Variants in DZANK1 observed in about 807,000 individuals in gnomAD.
DZANK1 encodes the protein double zinc ribbon and ankyrin repeat-containing protein 1.
DZANK1 carries 91 observed loss-of-function variants against 94.5 expected under a neutral mutation model. The ratio of observed to expected loss-of-function variants is 0.96; its 90% CI spans 0.81 to 1.15. DZANK1 has a LOEUF of 1.15. Ranked by LOEUF, DZANK1 falls within the 50% of genes most tolerant of loss-of-function variation. The pLI is 0.00. For missense variants in DZANK1, 903 were observed against 916.4 expected, an observed-to-expected ratio of 0.99 and a Z score of 0.19; for synonymous variants, 312 against 325.3, an observed-to-expected ratio of 0.96 and a Z score of 0.44.
At chr20:18,438,235 AAAAAGAAATAACAC>A (rs1365057855) in intron 8 of DZANK1, among the ~76,000 whole-genome samples, 1,762 of 141,538 alleles carry the variant, frequency 0.012, 202 homozygotes, top group African/African-American at 0.013. Context: ...AAAAAAAAAA[AAAAAGAAATAACAC>A]AAAAGAAAGC....
At chr20:18,389,587 G>T in intron 19 of DZANK1, 114 bp downstream of exon 19, 1 of 1,435,180 alleles carries the variant, frequency 7.0e-7, no homozygotes, top group Non-Finnish European at 9.3e-7. Flanking sequence ...GGTTAAAATG[G>T]TTAAAGTGGC....
intron 1 of DZANK1, among the ~76,000 whole-genome samples, chr20:18,466,240 TC>T: frequency 6.6e-6 from 1 of 152,368 alleles, no homozygotes; most frequent in Non-Finnish European, 1.5e-5. Flanking sequence ...ATTTTTATAG[TC>T]TACTTCTTGC....
intron 11 of DZANK1, 97 bp downstream of exon 11, chr20:18,415,230 G>C: frequency 3.2e-6 from 4 of 1,248,860 alleles, no homozygotes. Flanking sequence ...GAAATCACAA[G>C]AAGTGATTTC....
intron 14 of DZANK1, 152 bp downstream of exon 14, chr20:18,398,371 G>T (rs1214765241): frequency 1.8e-5 from 12 of 663,832 alleles, no homozygotes; most frequent in Non-Finnish European, 3.2e-5. Context: ...TATTAGAGCA[G>T]AGCTCACAAG....
chr20:18,384,630 C>T (rs951678534), intron 20 of DZANK1, 66 bp from the exon 21 acceptor site: 133 of 1,479,652 alleles, frequency 9.0e-5, no homozygotes, highest in Non-Finnish European at 1.1e-4. Context: ...AAGAGCTTGA[C>T]TCTACCCTGC....
intron 4 of DZANK1, chr20:18,454,299 A>G (rs1329173178): frequency 9.2e-6 from 3 of 327,116 alleles, no homozygotes; most frequent in South Asian, 2.5e-5. Flanking sequence ...ATGTTGGCTT[A>G]GCCCCCGAAG....
chr20:18,448,910 T>C (rs1033730019), intron 7 of DZANK1, 74 bp downstream of exon 7: 1 of 1,271,516 alleles, frequency 7.9e-7, no homozygotes, highest in Non-Finnish European at 1.1e-6. Context: ...AAAAATGTCG[T>C]ATCTTTAAAT....
At chr20:18,395,459 G>A (rs1400947417) in intron 15 of DZANK1, among the ~76,000 whole-genome samples, 1 of 152,204 alleles carries the variant, frequency 6.6e-6, no homozygotes, top group African/African-American at 2.4e-5. Context: ...TGGAGGTGCT[G>A]CTGGTGGCCT....
chr20:18,459,412 G>A (rs115952444), intron 3 of DZANK1, among the ~76,000 whole-genome samples: 58 of 152,230 alleles, frequency 3.8e-4, no homozygotes, highest in African/African-American at 1.2e-3. Context: ...GTCAGTGGGG[G>A]GTGGGGCTAG....
intron 7 of DZANK1, among the ~76,000 whole-genome samples, chr20:18,448,221 T>C (rs2058955868): frequency 6.6e-6 from 1 of 152,224 alleles, no homozygotes; most frequent in African/African-American, 2.4e-5. Flanking sequence ...AAACGGATGT[T>C]TGTTACAAGG....
At chr20:18,452,071 GTT>G (rs11470327) in intron 6 of DZANK1, 98,699 of 298,090 alleles carry the variant, frequency 0.33, 7,669 homozygotes, top group Non-Finnish European at 0.35. Context: ...TTTAGGGGTG[GTT>G]TTTTTTTTTT....
chr20:18,412,618 C>A, intron 13 of DZANK1, 28 bp downstream of exon 13: 2 of 1,603,718 alleles, frequency 1.2e-6, no homozygotes, highest in Non-Finnish European at 1.7e-6. Context: ...TCCCTCCCGA[C>A]CAGAAGAAAG....
intron 2 of DZANK1, 25 bp downstream of exon 2, chr20:18,465,225 A>G (rs776041977): frequency 7.1e-7 from 1 of 1,417,432 alleles, no homozygotes; most frequent in South Asian, 1.3e-5. Context: ...TATTTTAAAC[A>G]ATTTCAAACA....
chr20:18,459,833 A>G (rs979775980), intron 3 of DZANK1, among the ~76,000 whole-genome samples: 13 of 152,182 alleles, frequency 8.5e-5, no homozygotes, highest in African/African-American at 3.1e-4. Flanking sequence ...TTTTCTTCAG[A>G]GCAAGATGGA....
intron 6 of DZANK1, among the ~76,000 whole-genome samples, chr20:18,452,297 A>G (rs992044958): frequency 2.0e-5 from 3 of 152,134 alleles, no homozygotes; most frequent in African/African-American, 7.2e-5. Context: ...TTCCCACGTG[A>G]TGCTGATGCT....
intron 14 of DZANK1, 102 bp downstream of exon 14, chr20:18,398,421 G>C (rs2056480863): frequency 9.8e-7 from 1 of 1,017,618 alleles, no homozygotes. Context: ...AGCAGGAAAG[G>C]GAAAGGAGCC....
intron 13 of DZANK1, among the ~76,000 whole-genome samples, chr20:18,406,839 G>A (rs547072141): frequency 2.8e-3 from 419 of 152,280 alleles, no homozygotes; most frequent in South Asian, 0.022. Context: ...TGAGTCCCAG[G>A]CCTGGAAGCA....
chr20:18,434,552 A>AC lies in DZANK1; in HGVS notation c.748-788_748-787insG, dbSNP rs1601007054. Among the ~76,000 whole-genome samples, 7 of 142,490 alleles carry AC rather than the reference A, an allele frequency of 4.9e-5. No homozygotes were observed. The South Asian group carries it at 1.5e-3, about 31-fold the overall frequency. 93.5% of individuals were successfully genotyped at this position (142,490 alleles called of 152,430 possible). Reference sequence around the variant, plus strand: ...AAGAGCGAGACTCCTGCTCAAAAAAAAAAAAAAAAAAAAAAGGAATCACAC... The same window carrying AC: ...AAGAGCGAGACTCCTGCTCAAAAAAACAAAAAAAAAAAAAAAGGAATCACAC... On this transcript the variant is annotated intron_variant, in intron 8 of 20. Coordinates refer to ENST00000262547, the Ensembl canonical transcript of DZANK1.
intron 17 of DZANK1, among the ~76,000 whole-genome samples, chr20:18,393,085 T>C (rs889967253): frequency 4.6e-5 from 7 of 152,148 alleles, no homozygotes; most frequent in African/African-American, 1.7e-4. Context: ...TTCTACTTGG[T>C]GCACTGGGGC....
Sources: gnomAD v4.1 joint callset for allele counts (sites outside exome capture counted in the v4.1 genomes callset) on GRCh38, gnomAD v4.1.1 for gene constraint, MANE v1.5 for transcripts, NCBI Gene and HGNC (gene_info 2026-07-23, HGNC 2026-07-21) for gene names.